Variants in TRIM37 observed in about 807,000 individuals in gnomAD.
TRIM37 encodes tripartite motif containing 37, also known as E3 ubiquitin-protein ligase TRIM37.
In TRIM37, 80 loss-of-function variants were observed where a neutral mutation model predicts 129.8. The observed-to-expected ratio is 0.62, with a 90% CI of 0.51 to 0.74. TRIM37 has a LOEUF of 0.74. TRIM37 is among the 30% of genes least tolerant of loss of function. The pLI, the probability that TRIM37 is intolerant of heterozygous loss-of-function variation, is 0.00. For synonymous variants in TRIM37, 389 were observed against 387.1 expected (o/e 1.00, Z -0.06); for missense variants, 1,054 against 1,176.5 (o/e 0.90, Z 1.52).
chr17:59,038,086 A>G lies in TRIM37; in HGVS notation c.1753+3727T>C, dbSNP rs539791919. On this transcript the variant is annotated intron_variant, in intron 17 of 23. Transcript: ENST00000262294. Reference sequence around the variant, plus strand: ...TGTCAACATGCTATCAACATGACCTATCACTTACAATACTAAATTTAATCA... The same window carrying G: ...TGTCAACATGCTATCAACATGACCTGTCACTTACAATACTAAATTTAATCA... 3.9e-5 allele frequency among the ~76,000 whole-genome samples: 6 copies of G among 152,312 alleles called. No homozygotes were observed. The South Asian group carries it at 1.2e-3, about 32-fold the overall frequency.
rs1333444592 is a variant in TRIM37, at chr17:59,080,203, C to A, written c.493-326G>T. 5.3e-5 allele frequency among the ~76,000 whole-genome samples: 8 copies of A among 152,298 alleles called. No individual in the cohort carries two copies. In the East Asian group the frequency reaches 1.5e-3, roughly 29 times the overall value. On this transcript the variant is annotated intron_variant, in intron 6 of 23. Transcript: ENST00000262294. ...GTCCATAAACCTCATTTATGACTGT[C>A]ATTCTAACAACTTGAAACAAAATGT... is the stretch of plus-strand genomic sequence containing the variant.
intron 13 of TRIM37, 104 bp downstream of exon 13, chr17:59,056,771 G>GAATTTCA: frequency 2.3e-6 from 1 of 439,162 alleles, no homozygotes; most frequent in Non-Finnish European, 4.5e-6. Flanking sequence ...TAGTTAGTAT[G>GAATTTCA]AATTTCAATA....
intron 2 of TRIM37, among the ~76,000 whole-genome samples, chr17:59,100,010 C>A (rs1599580434): frequency 6.6e-6 from 1 of 152,098 alleles, no homozygotes. Context: ...CCATGTTGGT[C>A]AAGCTGGTCT....
intron 24 of TRIM37, chr17:58,985,278 C>T (rs573276034): frequency 3.9e-5 from 6 of 152,660 alleles, no homozygotes; most frequent in South Asian, 2.1e-4. Flanking sequence ...CTGAGATGGA[C>T]GTTAAGTTTG....
At chr17:59,028,804 G>C in intron 18 of TRIM37, 81 bp from the exon 19 acceptor site, 2 of 1,469,934 alleles carry the variant, frequency 1.4e-6, no homozygotes, top group African/African-American at 1.4e-5. Context: ...ATGCAAATTT[G>C]ATGTGTAAAA....
At chr17:59,060,583 C>T (rs1419875273) in intron 12 of TRIM37, among the ~76,000 whole-genome samples, 1 of 152,120 alleles carries the variant, frequency 6.6e-6, no homozygotes, top group Non-Finnish European at 1.5e-5. Flanking sequence ...TCCTCCTTGT[C>T]AAAAAGTACA....
downstream of TRIM37, among the ~76,000 whole-genome samples, chr17:58,979,506 T>C (rs2031237846): frequency 6.6e-6 from 1 of 152,232 alleles, no homozygotes; most frequent in Non-Finnish European, 1.5e-5. Context: ...ACAAAAATTA[T>C]TTAATGAAGA....
chr17:59,101,811 C>T (rs150827623), intron 2 of TRIM37, among the ~76,000 whole-genome samples: 135 of 149,380 alleles, frequency 9.0e-4, no homozygotes, highest in African/African-American at 3.1e-3. Context: ...TCATGGAGTG[C>T]GCTGATACTC....
In TRIM37 at chr17:59,015,805, A is replaced by G. The variant is rs1598905044; in HGVS notation, c.2387-6T>C. The G allele has an allele frequency of 1.9e-6, 3 of 1,612,160 alleles. No individual in the cohort carries two copies. The East Asian group carries it at 6.7e-5, about 36-fold the overall frequency. ...CTGAGAGCTTCCTGGGGAGCCTTCAAAAAAAGGAAGATGGAATACAAAAAT... is the reference window on the plus strand; with the variant it reads ...CTGAGAGCTTCCTGGGGAGCCTTCAGAAAAAGGAAGATGGAATACAAAAAT... On this transcript the variant is annotated splice_polypyrimidine_tract_variant and splice_region_variant and intron_variant, in intron 20 of 23. Transcript: ENST00000262294.
chr17:59,051,762 G>T (rs906326349), intron 13 of TRIM37, among the ~76,000 whole-genome samples: 1 of 149,760 alleles, frequency 6.7e-6, no homozygotes, highest in African/African-American at 2.5e-5. Flanking sequence ...ACGGAGTCTC[G>T]CTCTGTCGCC....
At chr17:59,083,603 A>G (rs949154975) in intron 5 of TRIM37, among the ~76,000 whole-genome samples, 2 of 152,182 alleles carry the variant, frequency 1.3e-5, no homozygotes, top group Non-Finnish European at 2.9e-5. Context: ...AAAAATAATT[A>G]TAAGATCTAG....
At chr17:59,032,253 C>T (rs1316567662) in intron 17 of TRIM37, among the ~76,000 whole-genome samples, 163 bp from the exon 18 acceptor site, 5 of 152,176 alleles carry the variant, frequency 3.3e-5, no homozygotes, top group Admixed American at 6.5e-5. Context: ...GGGCCGGGCG[C>T]GGTGGCTCAC....
Position 59,106,608 on chromosome 17 carries a change from C to T in TRIM37, c.-147G>A. ...CTCTGACAACCGCCCCACCTGCGCG[C>T]CCCATCTCTTCAGGTCCAGCGCCGC... On this transcript the variant is annotated 5_prime_UTR_variant, in exon 1 of 24. Transcript: ENST00000262294. 1.1e-6 allele frequency: 1 copy of T among 932,844 alleles called. No homozygotes were observed. Among genetic ancestry groups the T allele is most frequent in the Non-Finnish European group, 1.7e-6 (1 of 595,070 alleles). The allele number at this position is 932,844 out of a possible 1,614,324, so 57.8% of individuals were successfully genotyped here. A position where few individuals can be genotyped will look rare whatever the true frequency, so the allele number is the denominator to read the frequency against.
rs190476547 is a variant in TRIM37 at position 59,075,767 on chromosome 17, T to A, written c.617-53A>T. On this transcript the variant is annotated intron_variant, in intron 7 of 23. Coordinates refer to ENST00000262294, the MANE Select transcript of TRIM37 (RefSeq NM_015294.6). ...CTTGGGTTCATTATTGGTTTAAGAATGAAATTAACTTCCAATGAACATATT... is the reference window on the plus strand; with the variant it reads ...CTTGGGTTCATTATTGGTTTAAGAAAGAAATTAACTTCCAATGAACATATT... 1.6e-5 allele frequency: 21 copies of A among 1,308,534 alleles called. No individual in the cohort carries two copies. In the Admixed American group the frequency reaches 3.4e-4, roughly 21 times the overall value. 81.1% of individuals were successfully genotyped at this position (1,308,534 alleles called of 1,614,324 possible).
intron 14 of TRIM37, among the ~76,000 whole-genome samples, chr17:59,050,653 G>A (rs1243416267): frequency 1.3e-5 from 2 of 151,630 alleles, no homozygotes; most frequent in South Asian, 2.1e-4. Context: ...GGCAACAAGA[G>A]TGAGTCCGAC....
the TRIM37 span, chr17:58,969,686 C>A: frequency 2.5e-6 from 4 of 1,614,128 alleles, no homozygotes; most frequent in Admixed American, 1.7e-5. Flanking sequence ...CAGGGCCTTC[C>A]GGGTCACTGA....
chr17:59,106,849 G>C lies in TRIM37; in HGVS notation c.-388C>G, dbSNP rs748695934. ...TTCGCAAACACCAACCGTAACCAGA[G>C]CAGCTGGGGGCGCGGCGGCGAGAGA... On this transcript the variant is annotated 5_prime_UTR_variant, in exon 1 of 24. Coordinates refer to ENST00000262294, the MANE Select transcript of TRIM37 (RefSeq NM_015294.6). 1 of 358,384 alleles carries C rather than the reference G, an allele frequency of 2.8e-6. No individual in the cohort carries two copies. Among genetic ancestry groups the C allele is most frequent in the Non-Finnish European group, 5.1e-6 (1 of 195,356 alleles). The allele number at this position is 358,384 out of a possible 1,614,324, so 22.2% of individuals were successfully genotyped here. A position where few individuals can be genotyped will look rare whatever the true frequency, so the allele number is the denominator to read the frequency against.
intron 2 of TRIM37, among the ~76,000 whole-genome samples, chr17:59,100,342 G>A (rs1165486952): frequency 2.0e-5 from 3 of 152,128 alleles, no homozygotes; most frequent in African/African-American, 7.2e-5. Context: ...CTGTAAACAT[G>A]CCATATGCCC....
intron 3 of TRIM37, among the ~76,000 whole-genome samples, chr17:59,089,091 G>C (rs2044042905): frequency 6.6e-6 from 1 of 151,840 alleles, no homozygotes; most frequent in Admixed American, 6.6e-5. Flanking sequence ...ATGAAACCCT[G>C]TCTCTATAAA....
Sources: allele counts gnomAD v4.1 joint callset (sites outside exome capture counted in the v4.1 genomes callset), GRCh38; gene constraint gnomAD v4.1.1; transcripts MANE v1.5; gene names NCBI Gene and HGNC (gene_info 2026-07-23, HGNC 2026-07-21).